The following RORA variants were observed in gnomAD, a reference collection of about 807,000 sequenced individuals.
RORA encodes RAR related orphan receptor A.
A neutral mutation model predicts 69.5 loss-of-function variants in RORA; 7 were observed. The ratio of observed to expected loss-of-function variants is 0.10; its 90% CI spans 0.06 to 0.19. The LOEUF is 0.19. RORA is among the 10% of genes least tolerant of loss of function. The pLI is 1.00. For missense variants in RORA, 457 were observed against 663.0 expected, an observed-to-expected ratio of 0.69 and a Z score of 3.41; for synonymous variants, 261 against 240.8, an observed-to-expected ratio of 1.08 and a Z score of -0.78.
intron 1 of RORA, among the ~76,000 whole-genome samples, chr15:60,803,430 A>C (rs560813296): frequency 6.6e-6 from 1 of 152,342 alleles, no homozygotes; most frequent in Non-Finnish European, 1.5e-5. Context: ...CCAAGGATGC[A>C]ACCTATTAGG....
chr15:60,492,828 T>G lies in RORA; in HGVS notation c.*4627A>C, dbSNP rs999419276. The G allele has an allele frequency of 1.3e-5, 2 of 152,138 alleles. No individual in the cohort carries two copies. Among genetic ancestry groups the G allele is most frequent in the African/African-American group, 2.4e-5 (1 of 41,440 alleles). The allele number at this position is 152,138 out of a possible 1,614,324, so 9.4% of individuals were successfully genotyped here. ...CTGACGAGCACATCAAGTTCTAAAC[T>G]CAACAAAATGAGACGAGAGTAAAGA... On this transcript the variant is annotated 3_prime_UTR_variant, in exon 11 of 11. Transcript: ENST00000335670.
At chr15:60,679,537 T>C (rs535677817) in intron 1 of RORA, among the ~76,000 whole-genome samples, 2 of 152,324 alleles carry the variant, frequency 1.3e-5, no homozygotes, top group Non-Finnish European at 2.9e-5. Context: ...TGAGACTAAG[T>C]AGGCTCAAAG....
chr15:60,893,210 A>G (rs529153862), intron 1 of RORA, among the ~76,000 whole-genome samples: 20 of 152,346 alleles, frequency 1.3e-4, no homozygotes, highest in Admixed American at 8.5e-4. Flanking sequence ...ACTGGAAGCA[A>G]ATGCGAGCTG....
chr15:60,988,307 A>G (rs1441608269), intron 1 of RORA, among the ~76,000 whole-genome samples: 1 of 152,196 alleles, frequency 6.6e-6, no homozygotes, highest in Non-Finnish European at 1.5e-5. Context: ...TTTGGGGTAG[A>G]AAGTCAGAAG....
At chr15:61,159,599 C>T (rs997883727) in intron 1 of RORA, among the ~76,000 whole-genome samples, 4 of 152,102 alleles carry the variant, frequency 2.6e-5, no homozygotes, top group African/African-American at 9.7e-5. Context: ...AGAACATTTC[C>T]AATCAGGAAA....
At chr15:60,955,596 A>T (rs780934269) in intron 1 of RORA, among the ~76,000 whole-genome samples, 7 of 152,234 alleles carry the variant, frequency 4.6e-5, no homozygotes, top group Non-Finnish European at 8.8e-5. Flanking sequence ...TGGGAATTCA[A>T]CACAATAAGA....
chr15:61,139,899 A>G (rs1448289343), intron 1 of RORA, among the ~76,000 whole-genome samples: 1 of 152,208 alleles, frequency 6.6e-6, no homozygotes, highest in Non-Finnish European at 1.5e-5. Flanking sequence ...TTCTTTAAAA[A>G]TATAGTTAAA....
At chr15:60,847,006 T>G (rs2073273683) in intron 1 of RORA, among the ~76,000 whole-genome samples, 1 of 152,214 alleles carries the variant, frequency 6.6e-6, no homozygotes, top group Non-Finnish European at 1.5e-5. Context: ...CTTTTATGGT[T>G]AATATCAGGG....
rs71122860 is a variant in RORA at position 60,493,949 on chromosome 15, T to TCACACACACACACACACA, written c.*3488_*3505dup. The TCACACACACACACACACA allele has an allele frequency of 2.2e-4, 31 of 144,058 alleles. No homozygotes were observed. The highest frequency in any genetic ancestry group is 4.9e-4 in the Admixed American group (7 of 14,422). The allele number at this position is 144,058 out of a possible 1,614,324, so 8.9% of individuals were successfully genotyped here. ...CGCACACACATCATACACATGCAAA[T>TCACACACACACACACACA]CACACACACACACACACACACACAC... is the stretch of plus-strand genomic sequence containing the variant. On this transcript the variant is annotated 3_prime_UTR_variant, in exon 11 of 11. Coordinates refer to ENST00000335670, the MANE Select transcript of RORA (RefSeq NM_134261.3).
At chr15:60,592,639 CGGG>C in intron 2 of RORA, 1 of 1,129,612 alleles carries the variant, frequency 8.9e-7, no homozygotes, top group African/African-American at 1.6e-5. Flanking sequence ...GGGCGGGAGG[CGGG>C]AGGCGGGAGG....
At chr15:61,199,581 G>T (rs1011468403) in intron 1 of RORA, among the ~76,000 whole-genome samples, 4 of 152,122 alleles carry the variant, frequency 2.6e-5, no homozygotes, top group African/African-American at 9.7e-5. Flanking sequence ...CCGAAACTAA[G>T]GACCTGGTGC....
At chr15:60,606,250 G>A (rs1017086337) in intron 2 of RORA, among the ~76,000 whole-genome samples, 4 of 152,148 alleles carry the variant, frequency 2.6e-5, no homozygotes, top group African/African-American at 9.7e-5. Flanking sequence ...GTGGGGCCCA[G>A]CAAGCATTCA....
intron 5 of RORA, 40 bp from the exon 6 acceptor site, chr15:60,505,669 G>A: frequency 1.2e-6 from 2 of 1,606,046 alleles, no homozygotes; most frequent in Non-Finnish European, 1.7e-6. Flanking sequence ...GAAAAGCGAA[G>A]TTCTTTGAAT....
intron 8 of RORA, among the ~76,000 whole-genome samples, chr15:60,502,028 TG>T (rs34172270): frequency 8.5e-5 from 13 of 152,242 alleles, no homozygotes; most frequent in Non-Finnish European, 1.2e-4. Context: ...TCACCCAGGC[TG>T]GGGTGCAGTG....
chr15:60,649,167 C>G (rs975694063), intron 2 of RORA, among the ~76,000 whole-genome samples: 3 of 151,866 alleles, frequency 2.0e-5, no homozygotes, highest in African/African-American at 7.3e-5. Flanking sequence ...CACTCTGACT[C>G]ACATACACTG....
chr15:61,101,774 C>G (rs1375997149), intron 1 of RORA, among the ~76,000 whole-genome samples: 2 of 152,132 alleles, frequency 1.3e-5, no homozygotes, highest in East Asian at 3.9e-4. Context: ...AGGTGGACAG[C>G]AGAGGGCAAA....
At chr15:60,516,189 ATATATATTT>A (rs2065934479) in intron 3 of RORA, among the ~76,000 whole-genome samples, 14 of 16,948 alleles carry the variant, frequency 8.3e-4, no homozygotes, top group African/African-American at 4.0e-3. Context: ...ATATATTTAT[ATATATATTT>A]ATATATATAT....
intron 2 of RORA, among the ~76,000 whole-genome samples, chr15:60,599,422 G>A (rs1471863546): frequency 6.6e-6 from 1 of 152,182 alleles, no homozygotes; most frequent in Non-Finnish European, 1.5e-5. Flanking sequence ...GTGGTGGCAG[G>A]TGCCTGTAAT....
At chr15:61,077,740 T>C (rs2078474005) in intron 1 of RORA, among the ~76,000 whole-genome samples, 1 of 152,228 alleles carries the variant, frequency 6.6e-6, no homozygotes, top group Non-Finnish European at 1.5e-5. Context: ...TAAAAACTAA[T>C]GCCCATAATT....
Sources: gnomAD v4.1 joint callset for allele counts (sites outside exome capture counted in the v4.1 genomes callset) on GRCh38, gnomAD v4.1.1 for gene constraint, MANE v1.5 for transcripts, NCBI Gene and HGNC (gene_info 2026-07-23, HGNC 2026-07-21) for gene names.